SSH2: variants seen among roughly 807,000 people sequenced by gnomAD.
SSH2 encodes the protein protein phosphatase Slingshot homolog 2.
A neutral mutation model predicts 135.2 loss-of-function variants in SSH2; 37 were observed. The ratio of observed to expected loss-of-function variants is 0.27; its 90% CI spans 0.21 to 0.36. The LOEUF (loss-of-function observed/expected upper bound fraction) is 0.36, where lower values mean the gene tolerates loss of function less well. Ranked by LOEUF, SSH2 falls within the 10% of genes least tolerant of loss-of-function variation. SSH2 has a pLI of 1.00. For missense variants in SSH2, 1,408 were observed against 1,765.3 expected (o/e 0.80, Z 3.63); for synonymous variants, 628 against 646.2 (o/e 0.97, Z 0.43).
intron 3 of SSH2, among the ~76,000 whole-genome samples, chr17:29,710,462 T>C (rs139517022): frequency 2.7e-3 from 407 of 152,358 alleles, no homozygotes; most frequent in Middle Eastern, 0.01. Flanking sequence ...TCTGAACTCA[T>C]ACTTTTGTCT....
At position 29,661,082 on chromosome 17, in the gene SSH2, A is replaced by G. The variant is rs1380175870; in HGVS notation, c.1033-5475T>C. ...ATCTCAAAAAAAAAAAAAAAAAAAA[A>G]GAAAAGCAAATACTCATTTTCTCTA... On this transcript the variant is annotated intron_variant, in intron 11 of 15. Transcript: ENST00000540801. Among the ~76,000 whole-genome samples, 3 of 150,782 alleles carry G rather than the reference A, an allele frequency of 2.0e-5. No individual in the cohort carries two copies. In the East Asian group the frequency reaches 5.8e-4, roughly 29 times the overall value.
chr17:29,632,986 G>T, intron 15 of SSH2, 55 bp from the exon 16 acceptor site: 1 of 1,472,380 alleles, frequency 6.8e-7, no homozygotes, highest in Non-Finnish European at 9.2e-7. Context: ...AATTGAAAAT[G>T]CTGGATTTTC....
intron 1 of SSH2, among the ~76,000 whole-genome samples, chr17:29,852,559 T>TC (rs1478471660): frequency 6.6e-5 from 10 of 151,724 alleles, no homozygotes; most frequent in African/African-American, 2.2e-4. Context: ...TGGTAATTTT[T>TC]TTTTTTTTTT....
rs2150971311 is a variant in SSH2 at position 29,636,590 on chromosome 17, C to A, written c.1640G>T (p.Gly547Val). ...GATCATTCTTTCTTTGGTACACAGG[C>A]CTTTCTGATTTGCATCTTGTGGGAC... ...HMVPQDANQK[G>V]LCTKERMICL... Residue 547 changes from glycine to valine, a missense_variant, in exon 15 of 16, where the codon GGC becomes GTC. Transcript: ENST00000540801. 1.9e-6 allele frequency: 3 copies of A among 1,614,130 alleles called. No individual in the cohort carries two copies. The highest frequency in any genetic ancestry group is 2.5e-6 in the Non-Finnish European group (3 of 1,180,014).
At chr17:29,769,188 C>T (rs920787395) in intron 3 of SSH2, among the ~76,000 whole-genome samples, 4 of 152,198 alleles carry the variant, frequency 2.6e-5, no homozygotes, top group Admixed American at 6.5e-5. Flanking sequence ...AGCAGTATTT[C>T]AAATCCAGCC....
intron 12 of SSH2, among the ~76,000 whole-genome samples, chr17:29,652,289 T>A (rs981808686): frequency 1.3e-5 from 2 of 152,198 alleles, no homozygotes; most frequent in African/African-American, 2.4e-5. Flanking sequence ...TGAAAACTTG[T>A]ACACAAATGG....
At chr17:29,722,231 G>A (rs962250060) in intron 3 of SSH2, among the ~76,000 whole-genome samples, 2 of 148,082 alleles carry the variant, frequency 1.4e-5, no homozygotes, top group Non-Finnish European at 3.0e-5. Context: ...CCGAGATCGC[G>A]CCACTGCACT....
intron 8 of SSH2, 24 bp from the exon 9 acceptor site, chr17:29,672,153 G>C: frequency 6.2e-7 from 1 of 1,604,196 alleles, no homozygotes; most frequent in Non-Finnish European, 8.5e-7. Context: ...TGGGAAATGA[G>C]CACCATAGAA....
At chr17:29,764,043 G>A (rs904782686) in intron 3 of SSH2, among the ~76,000 whole-genome samples, 3 of 151,726 alleles carry the variant, frequency 2.0e-5, no homozygotes, top group South Asian at 2.1e-4. Context: ...TCCACCTCGC[G>A]GGTTCAAGTG....
intron 14 of SSH2, among the ~76,000 whole-genome samples, chr17:29,643,553 G>A (rs747151287): frequency 7.9e-5 from 12 of 152,032 alleles, no homozygotes; most frequent in Non-Finnish European, 1.5e-4. Flanking sequence ...GGGTGAAGTG[G>A]CGTGATCTCA....
chr17:29,731,426 TTTATTTA>T (rs369729196), intron 3 of SSH2, among the ~76,000 whole-genome samples: 33,850 of 89,478 alleles, frequency 0.38, 3,945 homozygotes, highest in African/African-American at 0.43. Flanking sequence ...TTTTTATTTA[TTTATTTA>T]TTTATTTATT....
At chr17:29,876,824 T>G (rs1254805754) in intron 1 of SSH2, among the ~76,000 whole-genome samples, 1 of 151,002 alleles carries the variant, frequency 6.6e-6, no homozygotes, top group Non-Finnish European at 1.5e-5. Context: ...ATTTCTTGAG[T>G]AATACCCCAC....
chr17:29,893,427 G>A lies in SSH2; in HGVS notation c.63+36511C>T, dbSNP rs1321022478. 3.3e-5 allele frequency among the ~76,000 whole-genome samples: 5 copies of A among 152,060 alleles called. No homozygotes were observed. In the East Asian group the frequency reaches 7.7e-4, roughly 23 times the overall value. On this transcript the variant is annotated intron_variant, in intron 1 of 15. Transcript: ENST00000540801. ...AGTAAGTCATGAGGATAGAGCTCTC[G>A]TGAATGGAATTAATGACCTTATACA... is the stretch of plus-strand genomic sequence containing the variant.
intron 1 of SSH2, among the ~76,000 whole-genome samples, chr17:29,905,470 C>T (rs920356093): frequency 6.6e-6 from 1 of 152,306 alleles, no homozygotes; most frequent in Non-Finnish European, 1.5e-5. Flanking sequence ...GCTGCAGCCA[C>T]CCAAGTTGTA....
At chr17:29,782,727 A>G (rs2041866634) in intron 3 of SSH2, among the ~76,000 whole-genome samples, 1 of 152,184 alleles carries the variant, frequency 6.6e-6, no homozygotes, top group African/African-American at 2.4e-5. Flanking sequence ...CTGGGATTAC[A>G]GGCATGCGCC....
At chr17:29,853,425 C>T (rs2065603752) in intron 1 of SSH2, among the ~76,000 whole-genome samples, 1 of 151,714 alleles carries the variant, frequency 6.6e-6, no homozygotes, top group African/African-American at 2.4e-5. Context: ...CAGTGGTAGG[C>T]CTTTACCTCA....
intron 1 of SSH2, among the ~76,000 whole-genome samples, chr17:29,856,605 A>C (rs374609944): frequency 6.6e-6 from 1 of 152,128 alleles, no homozygotes; most frequent in African/African-American, 2.4e-5. Context: ...CAAAATCCCC[A>C]AAAACAATTA....
intron 3 of SSH2, among the ~76,000 whole-genome samples, chr17:29,738,467 G>T (rs926512787): frequency 2.2e-4 from 33 of 151,966 alleles, no homozygotes; most frequent in Admixed American, 1.4e-3. Context: ...TGGGTCAAAT[G>T]GTATTTCTAG....
At chr17:29,859,397 G>T (rs2065721313) in intron 1 of SSH2, among the ~76,000 whole-genome samples, 1 of 151,960 alleles carries the variant, frequency 6.6e-6, no homozygotes, top group Non-Finnish European at 1.5e-5. Context: ...CATCATCCAG[G>T]TATTAAACCT....
Sources: allele counts gnomAD v4.1 joint callset (sites outside exome capture counted in the v4.1 genomes callset), GRCh38; gene constraint gnomAD v4.1.1; transcripts MANE v1.5; gene names NCBI Gene and HGNC (gene_info 2026-07-23, HGNC 2026-07-21).